The following STT3B variants were observed in gnomAD, a reference collection of about 807,000 sequenced individuals.
The protein encoded by STT3B is STT3 oligosaccharyltransferase complex catalytic subunit B, also known as dolichyl-diphosphooligosaccharide--protein glycosyltransferase subunit STT3B.
STT3B carries 29 observed loss-of-function variants against 96.8 expected under a neutral mutation model. The observed-to-expected ratio is 0.30, with a 90% CI of 0.22 to 0.41. STT3B has a LOEUF of 0.41. STT3B is among the 10% of genes least tolerant of loss of function. The pLI, the probability that STT3B is intolerant of heterozygous loss-of-function variation, is 1.00. For missense variants in STT3B, 640 were observed against 1,022.3 expected (o/e 0.63, Z 5.10); for synonymous variants, 367 against 360.0 (o/e 1.02, Z -0.22).
At chr3:31,601,453 G>T (rs548121203) in intron 5 of STT3B, among the ~76,000 whole-genome samples, 6 of 152,262 alleles carry the variant, frequency 3.9e-5, no homozygotes, top group Middle Eastern at 3.4e-3. Context: ...GACATAAAAG[G>T]CCACATAGTA....
intron 1 of STT3B, among the ~76,000 whole-genome samples, chr3:31,545,202 T>C (rs1265015528): frequency 6.6e-6 from 1 of 152,192 alleles, no homozygotes; most frequent in African/African-American, 2.4e-5. Flanking sequence ...TCTTTTTAAA[T>C]AAGGATTTTT....
At chr3:31,610,625 C>T (rs779142780) in intron 5 of STT3B, among the ~76,000 whole-genome samples, 1 of 152,258 alleles carries the variant, frequency 6.6e-6, no homozygotes, top group East Asian at 1.9e-4. Context: ...CACATTAAGT[C>T]AAGGACTATG....
At chr3:31,537,581 AG>A (rs1285954664) in intron 1 of STT3B, among the ~76,000 whole-genome samples, 1 of 152,166 alleles carries the variant, frequency 6.6e-6, no homozygotes, top group African/African-American at 2.4e-5. Context: ...TACGGTAGTT[AG>A]GGTCTGTCAT....
chr3:31,570,599 T>C (rs1463964104), intron 1 of STT3B, among the ~76,000 whole-genome samples: 3 of 152,178 alleles, frequency 2.0e-5, no homozygotes, highest in African/African-American at 4.8e-5. Flanking sequence ...TTTTTAGTTA[T>C]CTAAAAATGG....
chr3:31,625,803 A>T, intron 12 of STT3B, 151 bp from the exon 13 acceptor site: 1 of 625,434 alleles, frequency 1.6e-6, no homozygotes, highest in Non-Finnish European at 2.7e-6. Context: ...ATTCCAATGC[A>T]TTTGTTGAAT....
intron 14 of STT3B, among the ~76,000 whole-genome samples, chr3:31,630,865 C>T (rs1196841300): frequency 1.3e-5 from 2 of 150,692 alleles, no homozygotes; most frequent in Admixed American, 6.6e-5. Context: ...GGTGTGATCT[C>T]GGCTCACTGC....
chr3:31,617,634 G>C (rs1393664616), intron 7 of STT3B, among the ~76,000 whole-genome samples: 1 of 151,624 alleles, frequency 6.6e-6, no homozygotes, highest in East Asian at 1.9e-4. Context: ...AAATGATCTG[G>C]TCTTGTTTAA....
chr3:31,538,494 A>G (rs772868596), intron 1 of STT3B, among the ~76,000 whole-genome samples: 1 of 152,068 alleles, frequency 6.6e-6, no homozygotes, highest in African/African-American at 2.4e-5. Flanking sequence ...GGTTAGATGG[A>G]TATTGATGTT....
rs567884836 is a variant in STT3B, at chr3:31,541,884, A to G, written c.314+8572A>G. On this transcript the variant is annotated intron_variant, in intron 1 of 15. Transcript: ENST00000295770. The stretch of plus-strand genomic sequence containing the variant: ...AGCCACCACGCCCGGCATTTCAGCA[A>G]TAATTTGGCTAACCAGGTGTCTTAT... Among the ~76,000 whole-genome samples, 13 of 152,286 alleles carry G rather than the reference A, an allele frequency of 8.5e-5. No individual in the cohort carries two copies. The East Asian group carries it at 2.1e-3, about 25-fold the overall frequency.
At chr3:31,543,052 T>G (rs1697316540) in intron 1 of STT3B, among the ~76,000 whole-genome samples, 1 of 109,282 alleles carries the variant, frequency 9.2e-6, no homozygotes, top group East Asian at 2.8e-4. Context: ...GGCAACAGAG[T>G]GAGACTCCAT....
At chr3:31,617,850 A>G (rs981665720) in intron 7 of STT3B, 90 bp from the exon 8 acceptor site, 12 of 893,874 alleles carry the variant, frequency 1.3e-5, no homozygotes, top group African/African-American at 1.0e-4. Context: ...TAGTTTGTCT[A>G]TCTATAATTA....
chr3:31,601,273 T>C (rs986723873), intron 5 of STT3B, among the ~76,000 whole-genome samples: 1 of 152,188 alleles, frequency 6.6e-6, no homozygotes, highest in Non-Finnish European at 1.5e-5. Flanking sequence ...GCATTTATTG[T>C]GCATAATGGC....
intron 5 of STT3B, among the ~76,000 whole-genome samples, chr3:31,607,977 G>C (rs1699093366): frequency 1.3e-5 from 2 of 152,164 alleles, no homozygotes. Flanking sequence ...GTGGTATTCA[G>C]TATGTAATTA....
chr3:31,573,713 G>A (rs1156989207), intron 1 of STT3B, among the ~76,000 whole-genome samples: 1 of 152,074 alleles, frequency 6.6e-6, no homozygotes, highest in Non-Finnish European at 1.5e-5. Flanking sequence ...ATTCCACATG[G>A]GTAGTCACAT....
chr3:31,554,903 A>G (rs913016234), intron 1 of STT3B, among the ~76,000 whole-genome samples: 2 of 152,046 alleles, frequency 1.3e-5, no homozygotes, highest in East Asian at 3.9e-4. Context: ...TTGTTTACCT[A>G]TATTGACCAT....
intron 1 of STT3B, among the ~76,000 whole-genome samples, chr3:31,547,243 C>G (rs1697439332): frequency 6.6e-6 from 1 of 152,112 alleles, no homozygotes; most frequent in Non-Finnish European, 1.5e-5. Flanking sequence ...TTTGGATCAA[C>G]CAGGTTCTGC....
intron 1 of STT3B, among the ~76,000 whole-genome samples, chr3:31,571,942 A>ATG (rs1698150645): frequency 1.5e-5 from 2 of 136,764 alleles, no homozygotes; most frequent in South Asian, 4.4e-4. Flanking sequence ...TATATTATAT[A>ATG]TAATATTAAA....
At chr3:31,587,779 A>G (rs982500054) in intron 3 of STT3B, among the ~76,000 whole-genome samples, 2 of 152,268 alleles carry the variant, frequency 1.3e-5, no homozygotes, top group Non-Finnish European at 2.9e-5. Context: ...ACAAATTACT[A>G]TAAGAATTGC....
At chr3:31,548,484 T>G (rs1366349298) in intron 1 of STT3B, among the ~76,000 whole-genome samples, 1 of 152,198 alleles carries the variant, frequency 6.6e-6, no homozygotes, top group Non-Finnish European at 1.5e-5. Context: ...CAAAATAAAT[T>G]TTAAAATAGA....
Sources: allele counts gnomAD v4.1 joint callset (sites outside exome capture counted in the v4.1 genomes callset), GRCh38; gene constraint gnomAD v4.1.1; transcripts MANE v1.5; gene names NCBI Gene and HGNC (gene_info 2026-07-23, HGNC 2026-07-21).